Variants in MMP17 observed in about 807,000 individuals in gnomAD.
The protein encoded by MMP17 is matrix metallopeptidase 17.
MMP17 carries 54 observed loss-of-function variants against 49.1 expected under a neutral mutation model. The ratio of observed to expected loss-of-function variants is 1.10; its 90% confidence interval spans 0.88 to 1.38. The LOEUF (loss-of-function observed/expected upper bound fraction) is 1.38. Ranked by LOEUF, MMP17 falls within the 40% of genes most tolerant of loss-of-function variation. The pLI, the probability that MMP17 is intolerant of heterozygous loss-of-function variation, is 0.00. For synonymous variants in MMP17, 397 were observed against 383.1 expected (o/e 1.04, Z -0.42); for missense variants, 837 against 853.7 (o/e 0.98, Z 0.24).
chr12:131,838,772 C>A (rs573585105), intron 3 of MMP17, 31 bp downstream of exon 3: 5 of 1,518,334 alleles, frequency 3.3e-6, no homozygotes, highest in Non-Finnish European at 8.9e-7. Context: ...AGGAGCGGGG[C>A]CTCCGTGGAG....
chr12:131,839,807 G>A (rs1009054640), intron 3 of MMP17, among the ~76,000 whole-genome samples: 1 of 152,104 alleles, frequency 6.6e-6, no homozygotes. Flanking sequence ...AATTAGCTGG[G>A]TATGGTGATG....
In MMP17 at chr12:131,851,386, C is replaced by A; in HGVS notation, c.*112C>A. 9.9e-7 allele frequency: 1 copy of A among 1,009,804 alleles called. No individual in the cohort carries two copies. Among genetic ancestry groups the A allele is most frequent in the Non-Finnish European group, 1.3e-6 (1 of 767,984 alleles). 62.6% of individuals were successfully genotyped at this position (1,009,804 alleles called of 1,614,324 possible). ...GTGCTGGCGCGGGATGAGGACGGGC[C>A]ACCCTGGCACCGGAAGGCCAGCAGA... is the stretch of plus-strand genomic sequence containing the variant. On this transcript the variant is annotated 3_prime_UTR_variant, in exon 10 of 10. Coordinates refer to ENST00000360564, the MANE Select transcript of MMP17 (RefSeq NM_016155.7).
At chr12:131,847,400 G>A (rs1453638675) in intron 8 of MMP17, among the ~76,000 whole-genome samples, 9 of 144,958 alleles carry the variant, frequency 6.2e-5, no homozygotes, top group Admixed American at 2.8e-4. Context: ...GTGACAGAGC[G>A]AGACTCCGTC....
rs999610105 is a variant in MMP17 at position 131,851,099 on chromosome 12, C to T, written c.1637C>T (p.Pro546Leu). 4 of 1,600,732 alleles carry T rather than the reference C, an allele frequency of 2.5e-6. No individual in the cohort carries two copies. Among genetic ancestry groups the T allele is most frequent in the Non-Finnish European group, 3.4e-6 (4 of 1,174,484 alleles). ...GCGGCAGAGGGGCCCCGCGCCCCTC[C>T]AGGACAACATGACCAGAGCCGCTCG... ...VDAAEGPRAP[P>L]GQHDQSRSED... The change falls in exon 10 of 10, where the codon CCA (proline) becomes CTA (leucine). Residue 546 changes from proline to leucine, a missense_variant. Pro to Leu is a moderately conservative substitution (Grantham distance 98). Coordinates refer to ENST00000360564, the MANE Select transcript of MMP17 (RefSeq NM_016155.7).
chr12:131,834,013 A>G (rs1886950888), intron 1 of MMP17, among the ~76,000 whole-genome samples: 1 of 152,256 alleles, frequency 6.6e-6, no homozygotes, highest in African/African-American at 2.4e-5. Flanking sequence ...GACAACAAGC[A>G]TGGCTGAACG....
chr12:131,843,460 T>A (rs746973340), intron 5 of MMP17, among the ~76,000 whole-genome samples: 2 of 152,076 alleles, frequency 1.3e-5, no homozygotes, highest in Non-Finnish European at 2.9e-5. Flanking sequence ...TTGCCCAGGC[T>A]GGTCTCAAAC....
At chr12:131,832,913 C>G (rs773281535) in intron 1 of MMP17, among the ~76,000 whole-genome samples, 1 of 152,172 alleles carries the variant, frequency 6.6e-6, no homozygotes, top group African/African-American at 2.4e-5. Context: ...ATGTGAGCAC[C>G]GCCCCACGCA....
At chr12:131,830,971 C>A (rs1246032550) in intron 1 of MMP17, among the ~76,000 whole-genome samples, 1 of 152,240 alleles carries the variant, frequency 6.6e-6, no homozygotes, top group East Asian at 1.9e-4. Context: ...AGGGTCTCCA[C>A]AGGCGTCCGC....
Position 131,851,367 on chromosome 12 carries a change from G to A in MMP17, c.*93G>A, listed in dbSNP as rs958823857. Reference sequence around the variant, plus strand: ...GCCGGAGTCCCTGGGGGAGGTGCTGGCGCGGGATGAGGACGGGCCACCCTG... The same window carrying A: ...GCCGGAGTCCCTGGGGGAGGTGCTGACGCGGGATGAGGACGGGCCACCCTG... On this transcript the variant is annotated 3_prime_UTR_variant, in exon 10 of 10. Coordinates refer to ENST00000360564, the MANE Select transcript of MMP17 (RefSeq NM_016155.7). 1.7e-6 allele frequency: 2 copies of A among 1,189,526 alleles called. No individual in the cohort carries two copies. Among genetic ancestry groups the A allele is most frequent in the Admixed American group, 4.0e-5 (1 of 24,762 alleles). 73.7% of individuals were successfully genotyped at this position (1,189,526 alleles called of 1,614,324 possible). A position where few individuals can be genotyped will look rare whatever the true frequency, so the allele number is the denominator to read the frequency against.
chr12:131,843,529 G>A (rs574320222), intron 5 of MMP17, among the ~76,000 whole-genome samples: 4 of 152,258 alleles, frequency 2.6e-5, no homozygotes, highest in South Asian at 2.1e-4. Flanking sequence ...ATACAGGCAC[G>A]AACCACTGTG....
chr12:131,849,923 G>A lies in MMP17; in HGVS notation c.1326G>A (p.Arg442=), dbSNP rs371193240. ...CCTTCTCCTGGGCCCACAATGACAG[G>A]ACTTATTTCTTTAAGGACCAGCTGT... ...DAAFSWAHND[R]TYFFKDQLYW... The change falls in exon 9 of 10, where the codon AGG becomes AGA. Residue 442 remains arginine (R), a synonymous_variant. Transcript: ENST00000360564. The A allele has an allele frequency of 5.7e-4, 927 of 1,613,928 alleles. No individual in the cohort carries two copies. Among genetic ancestry groups the A allele is most frequent in the Non-Finnish European group, 7.3e-4 (859 of 1,180,014 alleles).
intron 5 of MMP17, 44 bp from the exon 6 acceptor site, chr12:131,843,952 CG>C: frequency 7.5e-7 from 1 of 1,324,548 alleles, no homozygotes. Flanking sequence ...TGGGGGGAGG[CG>C]GGCGTCGGGG....
chr12:131,851,533 G>A lies in MMP17; in HGVS notation c.*259G>A, dbSNP rs1208620805. On this transcript the variant is annotated 3_prime_UTR_variant, in exon 10 of 10. Coordinates refer to ENST00000360564, the MANE Select transcript of MMP17 (RefSeq NM_016155.7). Reference sequence around the variant, plus strand: ...CTCCAGAAGGGTGCCCAGTCAGGCCGCACCGCCGCCAGCCTCCTCCGGCCC... The same window carrying A: ...CTCCAGAAGGGTGCCCAGTCAGGCCACACCGCCGCCAGCCTCCTCCGGCCC... 6 of 388,118 alleles carry A rather than the reference G, an allele frequency of 1.5e-5. No individual in the cohort carries two copies. Among genetic ancestry groups the A allele is most frequent in the East Asian group, 3.7e-5 (1 of 27,164 alleles). The allele number at this position is 388,118 out of a possible 1,614,324, so 24.0% of individuals were successfully genotyped here.
intron 1 of MMP17, among the ~76,000 whole-genome samples, chr12:131,837,421 G>A (rs888579909): frequency 6.6e-6 from 1 of 152,190 alleles, no homozygotes; most frequent in African/African-American, 2.4e-5. Flanking sequence ...CACAGCACCG[G>A]CCAAGCCTGG....
At chr12:131,847,771 G>T (rs1456769980) in intron 8 of MMP17, among the ~76,000 whole-genome samples, 2 of 152,256 alleles carry the variant, frequency 1.3e-5, no homozygotes, top group Non-Finnish European at 2.9e-5. Flanking sequence ...GTGTCTGCAG[G>T]TTTCGCTACC....
intron 1 of MMP17, among the ~76,000 whole-genome samples, chr12:131,837,248 G>A (rs552657804): frequency 1.3e-5 from 2 of 152,342 alleles, no homozygotes; most frequent in South Asian, 2.1e-4. Flanking sequence ...GGCACACAGC[G>A]GGGAGGTGGC....
At position 131,849,893 on chromosome 12, in the gene MMP17, C is replaced by T. The variant is rs774503695; in HGVS notation, c.1296C>T (p.Asp432=). 88 of 1,613,976 alleles carry T rather than the reference C, an allele frequency of 5.5e-5. No homozygotes were observed. In the East Asian group the frequency reaches 1.6e-3, roughly 29 times the overall value. Residue 432 remains aspartate, a synonymous_variant, in exon 9 of 10, where the codon GAC becomes GAT. Transcript: ENST00000360564. ...SDFSLPPGGI[D]AAFSWAHNDR... is the part of the protein sequence containing the mutation. ...TCAGCCTCCCGCCTGGCGGCATCGA[C>T]GCTGCCTTCTCCTGGGCCCACAATG...
At chr12:131,843,715 C>T (rs769386242) in intron 5 of MMP17, among the ~76,000 whole-genome samples, 33 of 152,206 alleles carry the variant, frequency 2.2e-4, no homozygotes, top group Non-Finnish European at 3.5e-4. Flanking sequence ...GGCTGGTGTA[C>T]GAGCTCCTGT....
rs368700905 is a variant in MMP17, at chr12:131,841,561, G to A, written c.707-63G>A. 4.7e-4 allele frequency: 729 copies of A among 1,565,066 alleles called. 9 individuals are homozygous for A. The Middle Eastern group carries it at 5.2e-3, about 11-fold the overall frequency. On this transcript the variant is annotated intron_variant, in intron 4 of 9. Coordinates refer to ENST00000360564, the MANE Select transcript of MMP17 (RefSeq NM_016155.7). ...CCCAGAGCATGGTGGGGGCCTGCTGGTCCCTCCCCGCGGGGACAGGGCCCT... is the reference window on the plus strand; with the variant it reads ...CCCAGAGCATGGTGGGGGCCTGCTGATCCCTCCCCGCGGGGACAGGGCCCT...
Sources: allele counts gnomAD v4.1 joint callset (sites outside exome capture counted in the v4.1 genomes callset), GRCh38; gene constraint gnomAD v4.1.1; transcripts MANE v1.5; gene names NCBI Gene and HGNC (gene_info 2026-07-23, HGNC 2026-07-21).